The following CNBD2 variants were observed in gnomAD, a reference collection of about 807,000 sequenced individuals.
CNBD2 encodes the protein cyclic nucleotide-binding domain-containing protein 2.
In CNBD2, 64 loss-of-function variants were observed where a neutral mutation model predicts 63.7. That is an observed-to-expected ratio of 1.00 (90% confidence interval 0.82 to 1.24). The LOEUF is 1.24. Among genes scored for constraint, CNBD2 ranks in the 50% most tolerant of loss-of-function variants. The pLI is 0.00. For synonymous variants in CNBD2, 229 were observed against 255.4 expected (o/e 0.90, Z 0.99); for missense variants, 691 against 713.5 (o/e 0.97, Z 0.36).
At chr20:35,963,001 G>T (rs999130047) in intron 2 of CNBD2, among the ~76,000 whole-genome samples, 8 of 152,126 alleles carry the variant, frequency 5.3e-5, no homozygotes, top group African/African-American at 1.9e-4. Context: ...TTTTTAGGTG[G>T]TGGTAGTGGT....
rs557685572 is a variant in CNBD2 at position 36,009,662 on chromosome 20, T to C, written c.1148+1188T>C. Among the ~76,000 whole-genome samples, 30 of 152,050 alleles carry C rather than the reference T, an allele frequency of 2.0e-4. No homozygotes were observed. The East Asian group carries it at 5.7e-3, about 29-fold the overall frequency. ...GCCTGGCCAACATGGTGAAACCCCGTCTCTACTAAAAATACAAAAATTAGC... is the reference window on the plus strand; with the variant it reads ...GCCTGGCCAACATGGTGAAACCCCGCCTCTACTAAAAATACAAAAATTAGC... On this transcript the variant is annotated intron_variant, in intron 9 of 11. Coordinates refer to ENST00000373973, the MANE Select transcript of CNBD2 (RefSeq NM_001365709.1).
intron 8 of CNBD2, among the ~76,000 whole-genome samples, chr20:36,000,940 GTGATGACTCTTAACGAGCATGCTGCCT>G (rs369731589): frequency 0.011 from 1,626 of 150,882 alleles, 22 homozygotes; most frequent in African/African-American, 0.037. Flanking sequence ...TTAGGGAGTG[GTGATGACTCTTAACGAGCATGCTGCCT>G]TCAAGCATCT....
intron 8 of CNBD2, among the ~76,000 whole-genome samples, chr20:36,006,625 C>T (rs1208920872): frequency 1.3e-5 from 2 of 152,142 alleles, no homozygotes; most frequent in African/African-American, 4.8e-5. Flanking sequence ...CCATGTTGCC[C>T]AGACTGGTCT....
At chr20:35,979,431 A>AT (rs977670804) in intron 3 of CNBD2, among the ~76,000 whole-genome samples, 4 of 152,148 alleles carry the variant, frequency 2.6e-5, no homozygotes, top group Non-Finnish European at 5.9e-5. Context: ...AGTTTTACAA[A>AT]TTTTTTTGTA....
chr20:35,998,808 G>A (rs1204777037), intron 8 of CNBD2, among the ~76,000 whole-genome samples: 1 of 150,026 alleles, frequency 6.7e-6, no homozygotes, highest in Non-Finnish European at 1.5e-5. Context: ...GGGAGGCAGA[G>A]GTTGCAGTAA....
At chr20:35,963,729 A>G (rs1342301584), upstream of CNBD2, among the ~76,000 whole-genome samples, 1 of 152,224 alleles carries the variant, frequency 6.6e-6, no homozygotes, top group Non-Finnish European at 1.5e-5. Context: ...AAAATCTAGT[A>G]TTTAAGTGTT....
rs535741471 is a variant in CNBD2 at position 35,993,946 on chromosome 20, C to T, written c.856-1092C>T. Among the ~76,000 whole-genome samples the T allele has an allele frequency of 3.2e-4, 47 of 145,040 alleles. No individual in the cohort carries two copies. The East Asian group carries it at 7.9e-3, about 24-fold the overall frequency. On this transcript the variant is annotated intron_variant, in intron 7 of 11. Transcript: ENST00000373973. The stretch of plus-strand genomic sequence containing the variant: ...CTGGAGTGCAATGGCATGATCTTGG[C>T]TCATGGCAACCTCCGCCTCCTGGGT...
intron 11 of CNBD2, among the ~76,000 whole-genome samples, chr20:36,023,987 G>A (rs2057253150): frequency 6.6e-6 from 1 of 152,232 alleles, no homozygotes; most frequent in Admixed American, 6.5e-5. Context: ...CTTTGAGACA[G>A]AGATTCATCT....
intron 4 of CNBD2, 33 bp downstream of exon 4, chr20:35,980,655 C>G (rs1261749109): frequency 6.2e-7 from 1 of 1,608,528 alleles, no homozygotes; most frequent in East Asian, 2.2e-5. Flanking sequence ...GGCCACCAGG[C>G]TGAGGCTGGA....
chr20:36,012,301 CAA>C (rs57982520), intron 10 of CNBD2, among the ~76,000 whole-genome samples: 1 of 129,358 alleles, frequency 7.7e-6, no homozygotes, highest in African/African-American at 2.8e-5. Flanking sequence ...ACTCCGTCTC[CAA>C]AAAAAAAAAC....
chr20:35,954,419 G>T, upstream of CNBD2: 1 of 1,551,546 alleles, frequency 6.4e-7, no homozygotes, highest in East Asian at 2.4e-5. Context: ...AGTCGGACTC[G>T]GGACCGGCCG....
chr20:35,988,412 C>T (rs2056698665), intron 7 of CNBD2, among the ~76,000 whole-genome samples: 1 of 152,076 alleles, frequency 6.6e-6, no homozygotes, highest in Non-Finnish European at 1.5e-5. Flanking sequence ...CTCAAGTGAT[C>T]TGCCTGCCTC....
chr20:36,002,145 G>C (rs1437569868), intron 8 of CNBD2, among the ~76,000 whole-genome samples: 1 of 152,212 alleles, frequency 6.6e-6, no homozygotes, highest in African/African-American at 2.4e-5. Context: ...CTGCAATCCC[G>C]GCACCTCGGG....
At chr20:35,983,496 C>A (rs989498697) in intron 4 of CNBD2, among the ~76,000 whole-genome samples, 4 of 152,108 alleles carry the variant, frequency 2.6e-5, no homozygotes, top group African/African-American at 9.7e-5. Context: ...ATCTGTGTCT[C>A]ATTCTAGGCA....
At chr20:36,019,529 G>GAAAAAAAAAAAAAAAAAA (rs60556168) in intron 10 of CNBD2, among the ~76,000 whole-genome samples, 1 of 71,712 alleles carries the variant, frequency 1.4e-5, no homozygotes, top group East Asian at 4.4e-4. Flanking sequence ...CTCAAAAAAA[G>GAAAAAAAAAAAAAAAAAA]AAAAAAAAAA....
intron 10 of CNBD2, among the ~76,000 whole-genome samples, chr20:36,020,714 T>C (rs2057196349): frequency 6.6e-6 from 1 of 152,194 alleles, no homozygotes; most frequent in Non-Finnish European, 1.5e-5. Flanking sequence ...GAGTAGGAGC[T>C]GGCTAAAGAG....
At chr20:35,996,023 T>C (rs1313802699) in intron 8 of CNBD2, among the ~76,000 whole-genome samples, 4 of 152,166 alleles carry the variant, frequency 2.6e-5, no homozygotes, top group African/African-American at 9.7e-5. Context: ...CTTCTGTCTT[T>C]GAGATCTTAG....
chr20:36,007,192 A>G (rs1237380531), intron 8 of CNBD2, among the ~76,000 whole-genome samples: 1 of 151,968 alleles, frequency 6.6e-6, no homozygotes, highest in Non-Finnish European at 1.5e-5. Context: ...CCTCTCAAAA[A>G]TAAATAAATA....
At chr20:35,986,261 G>A (rs1044428354) in intron 6 of CNBD2, among the ~76,000 whole-genome samples, 2 of 152,178 alleles carry the variant, frequency 1.3e-5, no homozygotes, top group East Asian at 1.9e-4. Flanking sequence ...TCTGGTTCCT[G>A]TGGCTGGGGC....
Sources: gnomAD v4.1 joint callset for allele counts (sites outside exome capture counted in the v4.1 genomes callset) on GRCh38, gnomAD v4.1.1 for gene constraint, MANE v1.5 for transcripts, NCBI Gene and HGNC (gene_info 2026-07-23, HGNC 2026-07-21) for gene names.